MAMDC2: variants seen among roughly 807,000 people sequenced by gnomAD.
MAMDC2 encodes MAM domain-containing protein 2.
Under a neutral mutation model 89.8 loss-of-function variants are expected in MAMDC2, and 57 were observed. That is an observed-to-expected ratio of 0.63 (90% CI 0.51 to 0.79). MAMDC2 has a LOEUF of 0.79. Ranked by LOEUF, MAMDC2 falls within the 30% of genes least tolerant of loss-of-function variation. The pLI is 0.00. For missense variants in MAMDC2, 800 were observed against 820.6 expected (o/e 0.97, Z 0.31); for synonymous variants, 313 against 293.4 (o/e 1.07, Z -0.68).
chr9:70,098,059 C>A (rs1828073124), intron 2 of MAMDC2, among the ~76,000 whole-genome samples: 1 of 152,116 alleles, frequency 6.6e-6, no homozygotes, highest in African/African-American at 2.4e-5. Context: ...ATATGAAGTA[C>A]CTTGTTGTCT....
chr9:70,146,709 G>A (rs192236982), intron 9 of MAMDC2, among the ~76,000 whole-genome samples: 3 of 152,170 alleles, frequency 2.0e-5, no homozygotes, highest in Non-Finnish European at 4.4e-5. Context: ...GAGGCGAGTC[G>A]ATCACCTGAG....
At chr9:70,051,932 C>T (rs376811371) in intron 2 of MAMDC2, among the ~76,000 whole-genome samples, 10 of 140,302 alleles carry the variant, frequency 7.1e-5, no homozygotes, top group South Asian at 6.9e-4. Flanking sequence ...GATAGACAGA[C>T]AGATAGATAG....
intron 2 of MAMDC2, among the ~76,000 whole-genome samples, chr9:70,050,143 A>G (rs757875853): frequency 7.9e-5 from 12 of 152,234 alleles, no homozygotes; most frequent in Non-Finnish European, 1.6e-4. Context: ...ACAAAGCCAC[A>G]AAACACTACA....
At chr9:70,111,460 C>T (rs549407738) in intron 4 of MAMDC2, among the ~76,000 whole-genome samples, 1 of 152,326 alleles carries the variant, frequency 6.6e-6, no homozygotes, top group Non-Finnish European at 1.5e-5. Flanking sequence ...CTCCATTGCT[C>T]ATCTGTAAAA....
intron 11 of MAMDC2, chr9:70,175,734 A>G (rs970371213): frequency 1.3e-5 from 2 of 152,176 alleles, no homozygotes; most frequent in African/African-American, 2.4e-5. Context: ...TGGCTTAAAC[A>G]TTAGAAATTT....
intron 2 of MAMDC2, among the ~76,000 whole-genome samples, chr9:70,072,803 A>T (rs1218379724): frequency 2.0e-5 from 3 of 151,980 alleles, no homozygotes; most frequent in South Asian, 2.1e-4. Flanking sequence ...AAAAAAGCAA[A>T]TTTTTTTTAA....
intron 2 of MAMDC2, among the ~76,000 whole-genome samples, chr9:70,046,499 C>G (rs1826755916): frequency 6.6e-6 from 1 of 152,200 alleles, no homozygotes; most frequent in South Asian, 2.1e-4. Context: ...TCTCTGAGTT[C>G]CTGCCTCCGG....
intron 2 of MAMDC2, among the ~76,000 whole-genome samples, chr9:70,077,249 C>A (rs1827552207): frequency 6.6e-6 from 1 of 152,220 alleles, no homozygotes; most frequent in African/African-American, 2.4e-5. Flanking sequence ...GAAGGAGTAG[C>A]TGATACGCAA....
intron 2 of MAMDC2, among the ~76,000 whole-genome samples, chr9:70,059,875 C>A (rs150224720): frequency 1.3e-3 from 205 of 152,284 alleles, no homozygotes; most frequent in African/African-American, 4.8e-3. Context: ...ACACTTGATT[C>A]ACTGATGAAT....
At chr9:70,197,157 C>T (rs190086067) in intron 11 of MAMDC2, among the ~76,000 whole-genome samples, 2 of 152,088 alleles carry the variant, frequency 1.3e-5, no homozygotes, top group Non-Finnish European at 2.9e-5. Context: ...CACATTTGAT[C>T]AGCAATTGAT....
Position 70,140,051 on chromosome 9 carries a change from G to A in MAMDC2, c.995-94G>A, listed in dbSNP as rs115477032. ...TGTTTTACTTCTTCGGTCTCCCCTG[G>A]TACAAATGTGTATATATAAATATCT... On this transcript the variant is annotated intron_variant, in intron 7 of 13. Transcript: ENST00000377182. The A allele has an allele frequency of 8.8e-5, 116 of 1,323,074 alleles. No individual in the cohort carries two copies. The African/African-American group carries it at 1.6e-3, about 19-fold the overall frequency. The allele number at this position is 1,323,074 out of a possible 1,614,324, so 82.0% of individuals were successfully genotyped here. A position where few individuals can be genotyped will look rare whatever the true frequency, so the allele number is the denominator to read the frequency against.
In MAMDC2 at chr9:70,174,725, A is replaced by ATT. The variant is rs34725592; in HGVS notation, c.1651+4108_1651+4109dup. ...TTGTAATTAATTAGAAGGGCTTTGG[A>ATT]TTTTTTTTTTTTTTTCCGAGATAGA... On this transcript the variant is annotated intron_variant, in intron 11 of 13. Coordinates refer to ENST00000377182, the MANE Select transcript of MAMDC2 (RefSeq NM_153267.5). 6.9e-3 allele frequency among the ~76,000 whole-genome samples: 974 copies of ATT among 141,740 alleles called. 8 individuals are homozygous for ATT. The highest frequency in any genetic ancestry group is 0.015 in the African/African-American group (589 of 38,198). The allele number at this position is 141,740 out of a possible 152,430, so 93.0% of individuals were successfully genotyped here.
chr9:70,049,056 A>G (rs1052819037), intron 2 of MAMDC2, among the ~76,000 whole-genome samples: 2 of 152,218 alleles, frequency 1.3e-5, no homozygotes, highest in Admixed American at 1.3e-4. Context: ...AATTGAAAGC[A>G]CTTGTTGCAG....
intron 5 of MAMDC2, among the ~76,000 whole-genome samples, chr9:70,116,492 T>C (rs1927108): frequency 0.87 from 132,752 of 152,084 alleles, 58,843 homozygotes; most frequent in East Asian, 1. Context: ...AAACCCTTAA[T>C]TTCTTAGTGT....
intron 2 of MAMDC2, among the ~76,000 whole-genome samples, chr9:70,095,082 A>G (rs1827993711): frequency 6.6e-6 from 1 of 152,228 alleles, no homozygotes. Flanking sequence ...TAAAGGAAAC[A>G]GCATGTGGGA....
chr9:70,113,234 G>A, intron 5 of MAMDC2, 102 bp downstream of exon 5: 2 of 1,343,838 alleles, frequency 1.5e-6, no homozygotes. Context: ...CAACAGGGAA[G>A]AGAGGAGGGA....
chr9:70,066,764 A>C (rs537687076), intron 2 of MAMDC2, among the ~76,000 whole-genome samples: 2 of 152,214 alleles, frequency 1.3e-5, no homozygotes, highest in Non-Finnish European at 2.9e-5. Flanking sequence ...TGCTAAAAGT[A>C]TGTACTAGCA....
chr9:70,075,769 T>C (rs1211824590), intron 2 of MAMDC2, among the ~76,000 whole-genome samples: 2 of 152,192 alleles, frequency 1.3e-5, no homozygotes, highest in Non-Finnish European at 2.9e-5. Flanking sequence ...AGTGGCATTA[T>C]TGACACCAGC....
At chr9:70,144,806 C>G (rs991345270) in intron 9 of MAMDC2, among the ~76,000 whole-genome samples, 1 of 152,128 alleles carries the variant, frequency 6.6e-6, no homozygotes, top group East Asian at 1.9e-4. Context: ...ATTCATAGCC[C>G]GAACTTCTCT....
Sources: gnomAD v4.1 joint callset for allele counts (sites outside exome capture counted in the v4.1 genomes callset) on GRCh38, gnomAD v4.1.1 for gene constraint, MANE v1.5 for transcripts, NCBI Gene and HGNC (gene_info 2026-07-23, HGNC 2026-07-21) for gene names.